Variants in ZNF638 observed in about 807,000 individuals in gnomAD.
ZNF638 encodes CTCL tumor antigen se33-1.
A neutral mutation model predicts 195.6 loss-of-function variants in ZNF638; 46 were observed. The observed-to-expected ratio is 0.24, with a 90% CI of 0.19 to 0.30. The LOEUF (loss-of-function observed/expected upper bound fraction) is 0.30, where lower values mean the gene tolerates loss of function less well. Ranked by LOEUF, ZNF638 falls within the 10% of genes least tolerant of loss-of-function variation. ZNF638 has a pLI of 1.00. For synonymous variants in ZNF638, 845 were observed against 772.0 expected (o/e 1.09, Z -1.57); for missense variants, 2,440 against 2,325.3 (o/e 1.05, Z -1.01).
rs376013227 is a variant in ZNF638 at position 71,430,623 on chromosome 2, G to C, written c.5651-704G>C. Among the ~76,000 whole-genome samples, 6 of 152,200 alleles carry C rather than the reference G, an allele frequency of 3.9e-5. No individual in the cohort carries two copies. In the South Asian group the frequency reaches 8.3e-4, roughly 21 times the overall value. On this transcript the variant is annotated intron_variant, in intron 25 of 27. Transcript: ENST00000264447. The stretch of plus-strand genomic sequence containing the variant: ...TGCTTTCTCCATCTCTGAAGAAATA[G>C]GGATGGGTTAATAATGATTTCACGT...
chr2:71,338,062 T>G (rs1010183471), intron 1 of ZNF638, among the ~76,000 whole-genome samples: 2 of 152,220 alleles, frequency 1.3e-5, no homozygotes, highest in Non-Finnish European at 2.9e-5. Context: ...TCTGGAGATT[T>G]ACCATTTCCA....
rs2080471829 is a variant in ZNF638 at position 71,423,408 on chromosome 2, G to T, written c.3894G>T (p.Lys1298Asn). 1 of 1,613,450 alleles carries T rather than the reference G, an allele frequency of 6.2e-7. No homozygotes were observed. The highest frequency in any genetic ancestry group is 1.6e-4 in the Middle Eastern group (1 of 6,062). The part of the protein sequence containing the change: ...PTGDEKTVDK[K>N]NISEKKGNMD... ...GGGATGAGAAGACAGTGGACAAAAA[G>T]AATATTTCTGAAAAAAAAGGTAACA... Residue 1298 changes from lysine to asparagine, a missense_variant, in exon 22 of 28, where the codon AAG becomes AAT. Physicochemically the swap from Lys to Asn is moderately conservative, Grantham distance 94. Coordinates refer to ENST00000264447, the MANE Select transcript of ZNF638 (RefSeq NM_014497.5).
At chr2:71,397,764 CTGA>C (rs1432761119) in intron 11 of ZNF638, among the ~76,000 whole-genome samples, 4 of 152,158 alleles carry the variant, frequency 2.6e-5, no homozygotes, top group Non-Finnish European at 4.4e-5. Flanking sequence ...TTTGGGCTCT[CTGA>C]TGATCTTCTG....
intron 1 of ZNF638, among the ~76,000 whole-genome samples, chr2:71,337,632 C>T (rs2078692973): frequency 8.0e-6 from 1 of 124,378 alleles, no homozygotes; most frequent in Admixed American, 7.6e-5. Context: ...TCTCGAACTC[C>T]TGAGCTCAAG....
chr2:71,426,332 C>T (rs2080538946), intron 23 of ZNF638, 128 bp from the exon 24 acceptor site: 3 of 669,914 alleles, frequency 4.5e-6, no homozygotes, highest in Non-Finnish European at 7.4e-6. Flanking sequence ...TTAATTTTAG[C>T]CTTTAGGAAA....
rs373270344 is a variant in ZNF638, at chr2:71,332,348, G to A, written c.-203+473G>A. On this transcript the variant is annotated intron_variant, in intron 1 of 27. Transcript: ENST00000264447. ...CCGAAGAGGCGGTGGAGTTTGAGCC[G>A]AGCCCTCTGACCAGCGACATTGTGC... 3.9e-5 allele frequency among the ~76,000 whole-genome samples: 6 copies of A among 152,224 alleles called. No individual in the cohort carries two copies. The South Asian group carries it at 8.3e-4, about 21-fold the overall frequency.
At chr2:71,406,591 G>C (rs1203876623) in intron 19 of ZNF638, among the ~76,000 whole-genome samples, 1 of 152,160 alleles carries the variant, frequency 6.6e-6, no homozygotes, top group East Asian at 1.9e-4. Flanking sequence ...TCTTGGCTAA[G>C]TTGGTTTACA....
intron 3 of ZNF638, among the ~76,000 whole-genome samples, chr2:71,362,859 G>A (rs549926093): frequency 1.7e-4 from 26 of 152,274 alleles, no homozygotes; most frequent in African/African-American, 6.0e-4. Context: ...TAGATGAACT[G>A]TCTTCTCTCT....
At chr2:71,411,453 AT>A (rs1283094894) in intron 20 of ZNF638, among the ~76,000 whole-genome samples, 1 of 139,704 alleles carries the variant, frequency 7.2e-6, no homozygotes, top group African/African-American at 2.7e-5. Context: ...TTTTTTATTT[AT>A]TTTTTATTTT....
intron 17 of ZNF638, among the ~76,000 whole-genome samples, chr2:71,404,258 T>C (rs1018458891): frequency 6.6e-5 from 10 of 152,238 alleles, no homozygotes; most frequent in African/African-American, 2.4e-4. Flanking sequence ...GTTTCTCTCT[T>C]ATCTTTCTGC....
intron 3 of ZNF638, among the ~76,000 whole-genome samples, chr2:71,357,743 T>C (rs1193773341): frequency 6.6e-6 from 1 of 152,228 alleles, no homozygotes; most frequent in Non-Finnish European, 1.5e-5. Context: ...AATGTTCTAC[T>C]CTATTTTTTA....
chr2:71,356,367 T>TG (rs1229600956), intron 3 of ZNF638, among the ~76,000 whole-genome samples: 4 of 152,226 alleles, frequency 2.6e-5, no homozygotes, highest in Non-Finnish European at 5.9e-5. Flanking sequence ...CTGTATCTCT[T>TG]GGAGTAACAT....
chr2:71,417,776 A>G (rs577716864), intron 20 of ZNF638, among the ~76,000 whole-genome samples: 24 of 152,202 alleles, frequency 1.6e-4, no homozygotes, highest in African/African-American at 5.5e-4. Flanking sequence ...TATCATTAGG[A>G]TATAAGCTAG....
intron 1 of ZNF638, among the ~76,000 whole-genome samples, chr2:71,334,846 G>A (rs945500700): frequency 1.3e-5 from 2 of 151,982 alleles, no homozygotes; most frequent in African/African-American, 4.8e-5. Flanking sequence ...GCGTGAACCC[G>A]GGAGGTGGAG....
intron 2 of ZNF638, among the ~76,000 whole-genome samples, chr2:71,350,906 A>ACCT (rs2078928806): frequency 6.6e-6 from 1 of 152,220 alleles, no homozygotes; most frequent in Non-Finnish European, 1.5e-5. Context: ...AAAAATCTTT[A>ACCT]AAAAATAAAG....
At chr2:71,372,117 A>G (rs897859791) in intron 8 of ZNF638, among the ~76,000 whole-genome samples, 4 of 152,082 alleles carry the variant, frequency 2.6e-5, no homozygotes, top group Non-Finnish European at 5.9e-5. Context: ...AGGTTCATTA[A>G]TGCATATGGA....
rs752115885 is a variant in ZNF638, at chr2:71,431,391, T to C, written c.5715T>C (p.Ser1905=). The C allele has an allele frequency of 2.2e-5, 36 of 1,613,892 alleles. No homozygotes were observed. Among genetic ancestry groups the C allele is most frequent in the Non-Finnish European group, 3.0e-5 (35 of 1,179,858 alleles). ...PERKRKKTED[S]SSGKSVASDV... is the part of the protein sequence containing the mutation. Reference sequence around the variant, plus strand: ...GAAAACGCAAGAAGACTGAAGACTCTTCTTCAGGCAAATCAGTGGCGTCTG... The same window carrying C: ...GAAAACGCAAGAAGACTGAAGACTCCTCTTCAGGCAAATCAGTGGCGTCTG... The change falls in exon 26 of 28, where the codon TCT becomes TCC. Residue 1905 remains serine (S), a synonymous_variant. Coordinates refer to ENST00000264447, the MANE Select transcript of ZNF638 (RefSeq NM_014497.5).
At chr2:71,366,895 A>G (rs2079210003) in intron 6 of ZNF638, among the ~76,000 whole-genome samples, 1 of 152,188 alleles carries the variant, frequency 6.6e-6, no homozygotes, top group Non-Finnish European at 1.5e-5. Context: ...AATATATTAA[A>G]ACATCAAGAG....
Position 71,408,262 on chromosome 2 carries a change from T to C in ZNF638, c.3261+15T>C, listed in dbSNP as rs72840978. 0.023 allele frequency: 36,994 copies of C among 1,603,710 alleles called. 551 individuals are homozygous for C. The highest frequency in any genetic ancestry group is 0.039 in the South Asian group (3,490 of 88,640). ...ACTTACCAGAGGTAAGATTTATCTT[T>C]CTTCAGCTTTTGTGATTTTAGAAAA... On this transcript the variant is annotated intron_variant, in intron 20 of 27. Transcript: ENST00000264447.
Sources: gnomAD v4.1 joint callset for allele counts (sites outside exome capture counted in the v4.1 genomes callset) on GRCh38, gnomAD v4.1.1 for gene constraint, MANE v1.5 for transcripts, NCBI Gene and HGNC (gene_info 2026-07-23, HGNC 2026-07-21) for gene names.